CEP15: variants seen among roughly 807,000 people sequenced by gnomAD.
CEP15 encodes the protein centrosomal protein 15 kDa.
chr3:62,335,034 G>T, the CEP15 span: 1 of 151,948 alleles, frequency 6.6e-6, no homozygotes, highest in African/African-American at 2.4e-5. Flanking sequence ...CTAAACATTT[G>T]TTAGATGGTA....
At chr3:62,333,337 T>C in the CEP15 span, 7 of 1,611,698 alleles carry the variant, frequency 4.3e-6, no homozygotes, top group East Asian at 1.3e-4. This position sits in a 1 kb window ranked among gnomAD's most constrained non-coding sequence, Gnocchi z 4.0. Context: ...CCTTTTGCTG[T>C]TGAAAATCAA....
chr3:62,323,416 C>T, the CEP15 span, among the ~76,000 whole-genome samples: 5 of 152,122 alleles, frequency 3.3e-5, no homozygotes, highest in African/African-American at 1.2e-4. Flanking sequence ...AGAGCCAAGA[C>T]CAGAAGACTG....
At chr3:62,328,813 C>T in the CEP15 span, among the ~76,000 whole-genome samples, 1 of 151,372 alleles carries the variant, frequency 6.6e-6, no homozygotes, top group Non-Finnish European at 1.5e-5. Flanking sequence ...TCCTTACCTT[C>T]TGGTAGTATA....
At chr3:62,331,447 A>G in the CEP15 span, 1 of 1,423,128 alleles carries the variant, frequency 7.0e-7, no homozygotes, top group Non-Finnish European at 9.9e-7. Context: ...CTATCTATCT[A>G]TCAGTAGTGC....
chr3:62,327,175 C>T, the CEP15 span, among the ~76,000 whole-genome samples: 1 of 152,210 alleles, frequency 6.6e-6, no homozygotes, highest in African/African-American at 2.4e-5. Flanking sequence ...TATCATTTTG[C>T]ATGTTCCTGT....
At chr3:62,324,630 T>C in the CEP15 span, among the ~76,000 whole-genome samples, 15 of 152,292 alleles carry the variant, frequency 9.8e-5, no homozygotes, top group African/African-American at 3.4e-4. Flanking sequence ...TGAAAACCAC[T>C]GATCTGGGCT....
the CEP15 span, among the ~76,000 whole-genome samples, chr3:62,326,500 G>T: frequency 1.3e-5 from 2 of 152,202 alleles, no homozygotes; most frequent in Admixed American, 1.3e-4. Context: ...GGGATGGGAA[G>T]AGAAAGAGAT....
At chr3:62,324,935 T>C in the CEP15 span, among the ~76,000 whole-genome samples, 1 of 152,324 alleles carries the variant, frequency 6.6e-6, no homozygotes, top group East Asian at 1.9e-4. Flanking sequence ...TGGAATGATA[T>C]GGTTATATAC....
At chr3:62,320,962 T>G in the CEP15 span, among the ~76,000 whole-genome samples, 1 of 152,202 alleles carries the variant, frequency 6.6e-6, no homozygotes, top group African/African-American at 2.4e-5. Context: ...TATTATTCAC[T>G]CTTTTCCTCC....
At chr3:62,328,556 T>C in the CEP15 span, among the ~76,000 whole-genome samples, 1 of 152,194 alleles carries the variant, frequency 6.6e-6, no homozygotes, top group African/African-American at 2.4e-5. Flanking sequence ...ATATAAAATT[T>C]TAAATGTTCT....
chr3:62,328,066 C>A, the CEP15 span, among the ~76,000 whole-genome samples: 1 of 152,126 alleles, frequency 6.6e-6, no homozygotes, highest in Non-Finnish European at 1.5e-5. Context: ...TTGGCCATTG[C>A]TCCAAGAAGC....
the CEP15 span, among the ~76,000 whole-genome samples, chr3:62,325,218 T>C: frequency 6.6e-6 from 1 of 152,172 alleles, no homozygotes; most frequent in East Asian, 1.9e-4. Context: ...GGAAGACTAT[T>C]GTTTTTTTAA....
At chr3:62,323,255 T>C in the CEP15 span, among the ~76,000 whole-genome samples, 3 of 152,154 alleles carry the variant, frequency 2.0e-5, no homozygotes. Context: ...TGATCAAACA[T>C]TAAATTACAT....
At chr3:62,331,903 T>C in the CEP15 span, among the ~76,000 whole-genome samples, 2 of 152,158 alleles carry the variant, frequency 1.3e-5, no homozygotes, top group African/African-American at 4.8e-5. Context: ...CTATATTTGG[T>C]ATATGAATAT....
At chr3:62,334,746 A>C in the CEP15 span, 1 of 152,180 alleles carries the variant, frequency 6.6e-6, no homozygotes, top group African/African-American at 2.4e-5. The surrounding 1 kb of genome is among the most constrained non-coding windows in gnomAD (Gnocchi z 4.9). Flanking sequence ...TAGCAACCAG[A>C]ACAATTTTAT....
the CEP15 span, among the ~76,000 whole-genome samples, chr3:62,329,317 A>C: frequency 1.3e-5 from 2 of 152,154 alleles, no homozygotes; most frequent in African/African-American, 4.8e-5. Flanking sequence ...AGATGAGCTT[A>C]GTTTCATTTG....
the CEP15 span, chr3:62,335,709 C>G: frequency 3.9e-5 from 6 of 152,060 alleles, no homozygotes; most frequent in African/African-American, 1.4e-4. Flanking sequence ...TACTCCACCA[C>G]TCTTCTCCAT....
At chr3:62,324,933 T>G in the CEP15 span, among the ~76,000 whole-genome samples, 2 of 152,212 alleles carry the variant, frequency 1.3e-5, no homozygotes, top group African/African-American at 4.8e-5. Flanking sequence ...TTTGGAATGA[T>G]ATGGTTATAT....
At chr3:62,323,506 C>G in the CEP15 span, among the ~76,000 whole-genome samples, 1 of 151,970 alleles carries the variant, frequency 6.6e-6, no homozygotes. Flanking sequence ...GTTATGGGAC[C>G]AAAGAAGTTG....
Sources: gnomAD v4.1 joint callset for allele counts (sites outside exome capture counted in the v4.1 genomes callset) on GRCh38, gnomAD v4.1.1 for gene constraint, Gnocchi (gnomAD v3.1) non-coding constraint, MANE v1.5 for transcripts, NCBI Gene and HGNC (gene_info 2026-07-23, HGNC 2026-07-21) for gene names.